Variants in DNAI7 observed in about 807,000 individuals in gnomAD.
The protein encoded by DNAI7 is dynein axonemal intermediate chain 7.
DNAI7 carries 78 observed loss-of-function variants against 86.6 expected under a neutral mutation model. The ratio of observed to expected loss-of-function variants is 0.90; its 90% confidence interval spans 0.75 to 1.09. The LOEUF (loss-of-function observed/expected upper bound fraction) is 1.09. Ranked by LOEUF, DNAI7 falls within the 50% of genes least tolerant of loss-of-function variation. DNAI7 has a pLI of 0.00. For synonymous variants in DNAI7, 274 were observed against 273.0 expected (o/e 1.00, Z -0.04); for missense variants, 753 against 810.2 (o/e 0.93, Z 0.86).
downstream of DNAI7, chr12:25,107,727 G>A: frequency 1.6e-6 from 2 of 1,290,170 alleles, no homozygotes; most frequent in South Asian, 2.7e-5. Context: ...GGGTATGAAG[G>A]GCAGATCACC....
intron 9 of DNAI7, among the ~76,000 whole-genome samples, chr12:25,134,282 A>G (rs1219094236): frequency 6.7e-6 from 1 of 148,954 alleles, no homozygotes; most frequent in Non-Finnish European, 1.5e-5. Flanking sequence ...TAGACTATGT[A>G]TTTGAACATA....
chr12:25,137,537 C>T (rs1943686415), intron 9 of DNAI7, among the ~76,000 whole-genome samples: 1 of 152,068 alleles, frequency 6.6e-6, no homozygotes, highest in South Asian at 2.1e-4. Flanking sequence ...AATAGTACCT[C>T]ACATCTCAAT....
chr12:25,139,375 C>A (rs1189901014), intron 9 of DNAI7, among the ~76,000 whole-genome samples: 1 of 152,122 alleles, frequency 6.6e-6, no homozygotes, highest in East Asian at 1.9e-4. Flanking sequence ...GCCAGTATCA[C>A]CCTAATACCA....
At chr12:25,113,680 TA>T (rs917693148) in intron 13 of DNAI7, among the ~76,000 whole-genome samples, 1 of 152,190 alleles carries the variant, frequency 6.6e-6, no homozygotes, top group Non-Finnish European at 1.5e-5. Flanking sequence ...TCTCTGTTTT[TA>T]AAAACAACTT....
chr12:25,147,637 C>T (rs1945042084), intron 7 of DNAI7, among the ~76,000 whole-genome samples: 2 of 152,142 alleles, frequency 1.3e-5, no homozygotes, highest in Non-Finnish European at 2.9e-5. Context: ...GCCGGGGTGA[C>T]AGAGCAAGAC....
At chr12:25,142,351 G>T (rs1296976563) in intron 9 of DNAI7, among the ~76,000 whole-genome samples, 1 of 152,038 alleles carries the variant, frequency 6.6e-6, no homozygotes, top group Non-Finnish European at 1.5e-5. Context: ...CAAGGGAAGG[G>T]TGGGAGGGGG....
intron 9 of DNAI7, among the ~76,000 whole-genome samples, chr12:25,125,447 G>A (rs908261180): frequency 6.6e-6 from 1 of 152,012 alleles, no homozygotes; most frequent in African/African-American, 2.4e-5. Context: ...CATGTCCTTT[G>A]CCCACTTTTT....
intron 8 of DNAI7, among the ~76,000 whole-genome samples, chr12:25,146,362 C>T (rs1055154991): frequency 6.6e-6 from 1 of 151,748 alleles, no homozygotes; most frequent in Non-Finnish European, 1.5e-5. Flanking sequence ...TTTGGAAGGC[C>T]GAGGCAGGCT....
At chr12:25,121,609 C>T in intron 11 of DNAI7, 144 bp downstream of exon 11, 4 of 578,660 alleles carry the variant, frequency 6.9e-6, no homozygotes, top group South Asian at 2.8e-5. Context: ...TTTTCAATAC[C>T]AATACATTTA....
Position 25,147,714 on chromosome 12 carries a change from G to A in DNAI7, c.586-610C>T, listed in dbSNP as rs138437241. On this transcript the variant is annotated intron_variant, in intron 7 of 15. Transcript: ENST00000395987. ...CTGGGTAGCACCTGTGGATTAATAT[G>A]TTACCTTTCTCAGTCATAACATCAG... 2.7e-3 allele frequency among the ~76,000 whole-genome samples: 415 copies of A among 152,218 alleles called. 3 individuals carry two copies. Among genetic ancestry groups the A allele is most frequent in the Non-Finnish European group, 3.9e-3 (266 of 68,008 alleles).
intron 4 of DNAI7, among the ~76,000 whole-genome samples, chr12:25,156,968 T>C (rs750070457): frequency 2.6e-5 from 4 of 151,980 alleles, no homozygotes; most frequent in Non-Finnish European, 5.9e-5. Flanking sequence ...AATAGTTGAC[T>C]GATATGGTTT....
downstream of DNAI7, among the ~76,000 whole-genome samples, chr12:25,107,500 T>C (rs929415105): frequency 6.6e-6 from 1 of 152,160 alleles, no homozygotes; most frequent in Non-Finnish European, 1.5e-5. Context: ...GCAAATAACA[T>C]TTTTGTTTCC....
intron 2 of DNAI7, among the ~76,000 whole-genome samples, chr12:25,166,043 A>G (rs1256867469): frequency 6.6e-6 from 1 of 152,042 alleles, no homozygotes; most frequent in African/African-American, 2.4e-5. Flanking sequence ...ACCCACAAGT[A>G]TAGGACACCT....
At chr12:25,137,662 T>C (rs1310241801) in intron 9 of DNAI7, among the ~76,000 whole-genome samples, 2 of 151,946 alleles carry the variant, frequency 1.3e-5, no homozygotes, top group Non-Finnish European at 1.5e-5. Context: ...ATCTAACACA[T>C]AGAGTCACAT....
At chr12:25,152,842 A>G (rs947005214) in intron 6 of DNAI7, among the ~76,000 whole-genome samples, 2 of 152,312 alleles carry the variant, frequency 1.3e-5, no homozygotes, top group Non-Finnish European at 2.9e-5. Context: ...AGAAAACCCC[A>G]CATACATTTG....
At chr12:25,117,817 A>G (rs1183391644) in intron 12 of DNAI7, among the ~76,000 whole-genome samples, 2 of 152,212 alleles carry the variant, frequency 1.3e-5, no homozygotes, top group African/African-American at 2.4e-5. Flanking sequence ...TACAATTTAT[A>G]AACGATTAAC....
intron 1 of DNAI7, among the ~76,000 whole-genome samples, chr12:25,190,900 T>C (rs992523942): frequency 6.6e-6 from 1 of 152,208 alleles, no homozygotes; most frequent in Admixed American, 6.5e-5. Context: ...TTTTACACTG[T>C]TTCTTAGGAC....
chr12:25,166,122 G>A (rs1025063186), intron 2 of DNAI7, among the ~76,000 whole-genome samples: 4 of 151,950 alleles, frequency 2.6e-5, no homozygotes, highest in South Asian at 2.1e-4. Flanking sequence ...CTCTTACCCC[G>A]CTCAATGCCA....
At position 25,108,615 on chromosome 12, in the gene DNAI7, G is replaced by A. The variant is rs758544469; in HGVS notation, c.2102C>T (p.Ser701Phe). 2.5e-6 allele frequency: 4 copies of A among 1,613,588 alleles called. No individual in the cohort carries two copies. The highest frequency in any genetic ancestry group is 3.4e-6 in the Non-Finnish European group (4 of 1,179,874). The change falls in exon 16 of 16, where the codon TCC becomes TTC. Residue 701 changes from serine (S) to phenylalanine (F), a missense_variant. Physicochemically the swap from Ser to Phe is radical, Grantham distance 155 (BLOSUM62 -2). Transcript: ENST00000395987. ...CACAGAGTTGACAAACTGACAGTTGGAACTCCTGACTTTCTCCATTGCTTC... is the reference window on the plus strand; with the variant it reads ...CACAGAGTTGACAAACTGACAGTTGAAACTCCTGACTTTCTCCATTGCTTC... Reference protein sequence around the residue: ...SEEAMEKVRSSNCQFVNSVCH... With the variant: ...SEEAMEKVRSFNCQFVNSVCH...
Sources: allele counts gnomAD v4.1 joint callset (sites outside exome capture counted in the v4.1 genomes callset), GRCh38; gene constraint gnomAD v4.1.1; transcripts MANE v1.5; gene names NCBI Gene and HGNC (gene_info 2026-07-23, HGNC 2026-07-21).